The following ADAM22 variants were observed in gnomAD, a reference collection of about 807,000 sequenced individuals.
The protein encoded by ADAM22 is disintegrin and metalloproteinase domain-containing protein 22.
A neutral mutation model predicts 144.6 loss-of-function variants in ADAM22; 65 were observed. The observed-to-expected ratio is 0.45, with a 90% confidence interval of 0.37 to 0.55. The LOEUF (loss-of-function observed/expected upper bound fraction) is 0.55. Among genes scored for constraint, ADAM22 ranks in the 20% least tolerant of loss-of-function variants. ADAM22 has a pLI of 0.00. For synonymous variants in ADAM22, 391 were observed against 412.6 expected (o/e 0.95, Z 0.63); for missense variants, 974 against 1,184.9 (o/e 0.82, Z 2.61).
At chr7:88,091,044 A>G (rs993014511) in intron 4 of ADAM22, among the ~76,000 whole-genome samples, 2 of 152,190 alleles carry the variant, frequency 1.3e-5, no homozygotes, top group African/African-American at 4.8e-5. Context: ...GATGGTTAGT[A>G]TATGTAAGTC....
intron 9 of ADAM22, 148 bp downstream of exon 9, chr7:88,128,824 A>T: frequency 1.8e-6 from 1 of 565,914 alleles, no homozygotes; most frequent in Non-Finnish European, 3.0e-6. Context: ...ACTAGCAACA[A>T]CCTGCAATTA....
intron 31 of ADAM22, among the ~76,000 whole-genome samples, chr7:88,194,912 T>G (rs1041122715): frequency 2.5e-4 from 38 of 152,106 alleles, no homozygotes; most frequent in African/African-American, 8.2e-4. Context: ...GTCTTTTCAA[T>G]AAAAAGGGCA....
intron 5 of ADAM22, among the ~76,000 whole-genome samples, chr7:88,112,501 T>G (rs868599836): frequency 2.6e-5 from 4 of 152,216 alleles, no homozygotes; most frequent in Non-Finnish European, 4.4e-5. Flanking sequence ...CTCATAGCTT[T>G]GCTACCCTCA....
chr7:88,129,867 T>A (rs180817137), intron 9 of ADAM22, among the ~76,000 whole-genome samples: 171 of 152,200 alleles, frequency 1.1e-3, no homozygotes, highest in African/African-American at 3.8e-3. Context: ...TAAAACACGA[T>A]TGAGACCAAC....
intron 25 of ADAM22, 129 bp from the exon 26 acceptor site, chr7:88,171,415 T>C: frequency 1.3e-6 from 1 of 752,730 alleles, no homozygotes; most frequent in Non-Finnish European, 2.1e-6. Context: ...AATTCTGTAA[T>C]TCAGAATCCT....
intron 6 of ADAM22, 66 bp from the exon 7 acceptor site, chr7:88,116,679 T>C: frequency 7.4e-7 from 1 of 1,352,256 alleles, no homozygotes; most frequent in Non-Finnish European, 1.1e-6. Flanking sequence ...TCTCCAGCTA[T>C]GTTTGCCTAA....
chr7:87,995,090 T>TTACA (rs1049277370), intron 3 of ADAM22, among the ~76,000 whole-genome samples: 8 of 152,164 alleles, frequency 5.3e-5, no homozygotes, highest in African/African-American at 1.9e-4. Flanking sequence ...AGTGCTGGGA[T>TTACA]TACAGGCTTG....
chr7:88,049,727 G>T (rs1213100405), intron 3 of ADAM22, among the ~76,000 whole-genome samples: 1 of 152,158 alleles, frequency 6.6e-6, no homozygotes, highest in Non-Finnish European at 1.5e-5. Context: ...GTGTCATTTG[G>T]ATAACTATAG....
At chr7:88,102,071 G>A (rs1823087258) in intron 4 of ADAM22, among the ~76,000 whole-genome samples, 1 of 152,150 alleles carries the variant, frequency 6.6e-6, no homozygotes. Context: ...TAAAAGGGGG[G>A]AAATAATACT....
chr7:88,098,281 G>A (rs911744138), intron 4 of ADAM22, among the ~76,000 whole-genome samples: 1 of 152,230 alleles, frequency 6.6e-6, no homozygotes, highest in Non-Finnish European at 1.5e-5. Flanking sequence ...TAAGATACAG[G>A]TTAATTTTAT....
rs1004384182 is a variant in ADAM22, at chr7:88,133,329, C to G, written c.1077+378C>G. On this transcript the variant is annotated intron_variant, in intron 12 of 31. Transcript: ENST00000413139. ...ATTGGGCCCAGATTGCGCCACTGCA[C>G]TCCAGCCTGGGCAACAGAGTGAGAC... is the stretch of plus-strand genomic sequence containing the variant. Among the ~76,000 whole-genome samples the G allele has an allele frequency of 2.8e-4, 43 of 151,358 alleles. 1 individual carries two copies. Among genetic ancestry groups the G allele is most frequent in the Admixed American group, 4.6e-4 (7 of 15,182 alleles).
At chr7:87,980,160 A>G (rs1852962391) in intron 3 of ADAM22, among the ~76,000 whole-genome samples, 1 of 152,098 alleles carries the variant, frequency 6.6e-6, no homozygotes, top group Admixed American at 6.5e-5. Flanking sequence ...CTTCTGAGAT[A>G]TTGGCAGAAA....
chr7:88,084,642 G>A (rs903554197), intron 4 of ADAM22, among the ~76,000 whole-genome samples: 1 of 152,146 alleles, frequency 6.6e-6, no homozygotes, highest in Non-Finnish European at 1.5e-5. Context: ...TCTGATAGAA[G>A]TCTATTTTCT....
In ADAM22 at chr7:88,202,591, G is replaced by A. The variant is rs1419935964; in HGVS notation, c.*6100G>A. Reference sequence around the variant, plus strand: ...CTCTGCTACTCTGCACTTCAGGTTCGTTAAGCTATTTTAATAATTACTGGG... The same window carrying A: ...CTCTGCTACTCTGCACTTCAGGTTCATTAAGCTATTTTAATAATTACTGGG... On this transcript the variant is annotated 3_prime_UTR_variant, in exon 32 of 32. Transcript: ENST00000413139. 2.0e-5 allele frequency: 3 copies of A among 152,158 alleles called. No homozygotes were observed. The highest frequency in any genetic ancestry group is 3.9e-4 in the East Asian group (2 of 5,194). 9.4% of individuals were successfully genotyped at this position (152,158 alleles called of 1,614,324 possible).
chr7:88,049,781 A>G (rs1291065098), intron 3 of ADAM22, among the ~76,000 whole-genome samples: 1 of 152,224 alleles, frequency 6.6e-6, no homozygotes, highest in East Asian at 1.9e-4. Flanking sequence ...ATAAATTGAG[A>G]AATCTAAGGT....
chr7:88,183,217 C>T lies in ADAM22; in HGVS notation c.2663+1193C>T, dbSNP rs75529990. Among the ~76,000 whole-genome samples the T allele has an allele frequency of 1.1e-3, 175 of 152,180 alleles. 2 individuals are homozygous for T. Among genetic ancestry groups the T allele is most frequent in the African/African-American group, 4.1e-3 (172 of 41,516 alleles). On this transcript the variant is annotated intron_variant, in intron 29 of 31. Coordinates refer to ENST00000413139, the MANE Select transcript of ADAM22 (RefSeq NM_001324418.2). ...GAGTTTATCTTATATATTCCCAAAG[C>T]GCTTGGATGCTTTAGGGCTCATTGT...
intron 4 of ADAM22, among the ~76,000 whole-genome samples, chr7:88,081,447 C>T (rs1816598955): frequency 1.3e-5 from 2 of 152,186 alleles, no homozygotes; most frequent in Admixed American, 6.5e-5. Flanking sequence ...GGGATGCCCT[C>T]TCTCACCACT....
intron 3 of ADAM22, among the ~76,000 whole-genome samples, chr7:88,057,127 C>CTTT (rs75042550): frequency 6.8e-6 from 1 of 148,140 alleles, no homozygotes. Flanking sequence ...ATTATTGAAT[C>CTTT]TTTTTTTTTT....
intron 27 of ADAM22, among the ~76,000 whole-genome samples, chr7:88,179,455 G>A (rs1039673433): frequency 6.6e-6 from 1 of 152,030 alleles, no homozygotes; most frequent in Non-Finnish European, 1.5e-5. Flanking sequence ...TGATATAAGT[G>A]CTGCATTGAG....
Sources: allele counts gnomAD v4.1 joint callset (sites outside exome capture counted in the v4.1 genomes callset), GRCh38; gene constraint gnomAD v4.1.1; transcripts MANE v1.5; gene names NCBI Gene and HGNC (gene_info 2026-07-23, HGNC 2026-07-21).